Variants in RIPK1 observed in about 807,000 individuals in gnomAD.
RIPK1 encodes receptor-interacting serine/threonine-protein kinase 1.
RIPK1 carries 27 observed loss-of-function variants against 62.4 expected under a neutral mutation model. The observed-to-expected ratio is 0.43, with a 90% CI of 0.32 to 0.60. The LOEUF (loss-of-function observed/expected upper bound fraction) is 0.60, where lower values mean the gene tolerates loss of function less well. Ranked by LOEUF, RIPK1 falls within the 20% of genes least tolerant of loss-of-function variation. The pLI is 0.07. For synonymous variants in RIPK1, 287 were observed against 303.2 expected, an observed-to-expected ratio of 0.95 and a Z score of 0.55; for missense variants, 735 against 831.0, an observed-to-expected ratio of 0.88 and a Z score of 1.42.
At chr6:3,088,426 G>A (rs542213118) in intron 6 of RIPK1, among the ~76,000 whole-genome samples, 2 of 152,350 alleles carry the variant, frequency 1.3e-5, no homozygotes, top group South Asian at 2.1e-4. Context: ...CAGTGGGGAA[G>A]GGAAGGGTGG....
chr6:3,067,216 G>C (rs1758420517), upstream of RIPK1, among the ~76,000 whole-genome samples: 1 of 151,932 alleles, frequency 6.6e-6, no homozygotes, highest in Non-Finnish European at 1.5e-5. Flanking sequence ...AGACATTCTT[G>C]TACAGGTGTT....
rs1191085732 is a variant in RIPK1, at chr6:3,083,099, C to T, written c.474C>T (p.Gly158=). ...NDFHIKIADL[G]LASFKMWSKL... ...GTCTTTCGCAGATCGCAGACCTCGG[C>T]CTTGCCTCCTTTAAGATGTGGAGCA... The change falls in exon 5 of 11, where the codon GGC becomes GGT. Residue 158 remains glycine (G), a synonymous_variant. Coordinates refer to ENST00000259808, the MANE Select transcript of RIPK1 (RefSeq NM_001354930.2). 6.2e-7 allele frequency: 1 copy of T among 1,613,996 alleles called. No individual in the cohort carries two copies. The highest frequency in any genetic ancestry group is 1.3e-5 in the African/African-American group (1 of 75,054).
intron 7 of RIPK1, among the ~76,000 whole-genome samples, chr6:3,098,927 C>G (rs893097616): frequency 6.6e-6 from 1 of 152,180 alleles, no homozygotes; most frequent in Non-Finnish European, 1.5e-5. Flanking sequence ...GGCTTTATCC[C>G]CTCGCCTTTC....
chr6:3,103,143 A>G (rs908347032), intron 7 of RIPK1, among the ~76,000 whole-genome samples: 10 of 151,446 alleles, frequency 6.6e-5, no homozygotes, highest in African/African-American at 2.2e-4. Context: ...TATATCTTCT[A>G]TGGAGAAACT....
At chr6:3,064,962 G>C (rs539285242), upstream of RIPK1, among the ~76,000 whole-genome samples, 1 of 152,158 alleles carries the variant, frequency 6.6e-6, no homozygotes, top group Non-Finnish European at 1.5e-5. Context: ...CCGCTTTCTG[G>C]TCGGGTGCGG....
chr6:3,081,731 A>G (rs1759391741), intron 4 of RIPK1, among the ~76,000 whole-genome samples: 1 of 151,906 alleles, frequency 6.6e-6, no homozygotes, highest in South Asian at 2.1e-4. Context: ...GTGGTGGTGC[A>G]TGCCTGTAAT....
intron 10 of RIPK1, among the ~76,000 whole-genome samples, chr6:3,112,135 C>T (rs1053940717): frequency 2.6e-5 from 4 of 151,748 alleles, no homozygotes; most frequent in Non-Finnish European, 5.9e-5. Context: ...CAATGTCGGT[C>T]GGCAGTGGGG....
Position 3,077,853 on chromosome 6 carries a change from G to A in RIPK1, c.239G>A (p.Gly80Asp). 6.2e-7 allele frequency: 1 copy of A among 1,614,232 alleles called. No individual in the cohort carries two copies. Among genetic ancestry groups the A allele is most frequent in the Non-Finnish European group, 8.5e-7 (1 of 1,180,030 alleles). ...CACAGCCGGGTGGTGAAGCTCCTGG[G>A]CGTCATCATAGAGGAAGGGAAGTAC... is the stretch of plus-strand genomic sequence containing the variant. ...LRHSRVVKLLGVIIEEGKYSL... is the reference protein window; with the variant it reads ...LRHSRVVKLLDVIIEEGKYSL... Residue 80 changes from glycine (G) to aspartate (D), a missense_variant, in exon 3 of 11, where the codon GGC (glycine) becomes GAC (aspartate). By Grantham distance (94) the Gly-to-Asp change is moderately conservative (BLOSUM62 -1). Transcript: ENST00000259808.
chr6:3,074,830 T>C (rs1758965272), intron 1 of RIPK1, among the ~76,000 whole-genome samples: 1 of 152,138 alleles, frequency 6.6e-6, no homozygotes, highest in Admixed American at 6.6e-5. Context: ...TAGAGGCGCG[T>C]GCCACCACGC....
chr6:3,074,076 C>G (rs73718960), intron 1 of RIPK1, among the ~76,000 whole-genome samples: 3,545 of 152,234 alleles, frequency 0.023, 141 homozygotes, highest in African/African-American at 0.08. Context: ...TAAAATTTAC[C>G]TGCTGTTGTT....
intron 7 of RIPK1, among the ~76,000 whole-genome samples, chr6:3,090,725 C>T (rs1364700146): frequency 4.6e-5 from 7 of 152,034 alleles, no homozygotes; most frequent in South Asian, 4.1e-4. Context: ...CTTGACGTAA[C>T]GGAAACACAG....
chr6:3,087,803 T>C (rs139660606), intron 6 of RIPK1, among the ~76,000 whole-genome samples: 1 of 38,960 alleles, frequency 2.6e-5, no homozygotes, highest in Admixed American at 3.4e-4. Context: ...CCTCCCAAAG[T>C]GTGGGATTAC....
Position 3,081,047 on chromosome 6 carries a change from T to G in RIPK1, c.390T>G (p.His130Gln). ...LEIIEGMCYL[H>Q]GKGVIHKDLK... is the part of the protein sequence containing the mutation. ...TCATTGAAGGAATGTGCTACTTACA[T>G]GGAAAAGGCGTGATACACAAGGACC... Residue 130 changes from histidine (H) to glutamine (Q), a missense_variant, in exon 4 of 11, where the codon CAT becomes CAG. By Grantham distance (24) the His-to-Gln change is conservative. Around this residue, in one of 2 missense-constraint regions of RIPK1, gnomAD observed 671 missense variants for 726.2 expected, o/e 0.92. Coordinates refer to ENST00000259808, the MANE Select transcript of RIPK1 (RefSeq NM_001354930.2). The G allele has an allele frequency of 6.2e-7, 1 of 1,614,160 alleles. No homozygotes were observed. Among genetic ancestry groups the G allele is most frequent in the Non-Finnish European group, 8.5e-7 (1 of 1,179,982 alleles).
At chr6:3,073,317 C>A (rs912191099) in intron 1 of RIPK1, among the ~76,000 whole-genome samples, 1 of 150,768 alleles carries the variant, frequency 6.6e-6, no homozygotes, top group South Asian at 2.1e-4. Context: ...TGAACGTATA[C>A]TTTTTTTTTC....
At position 3,076,901 on chromosome 6, in the gene RIPK1, A is replaced by G; in HGVS notation, c.78A>G (p.Gly26=). Residue 26 remains glycine (G), a synonymous_variant, in exon 2 of 11, where the codon GGA becomes GGG. Coordinates refer to ENST00000259808, the MANE Select transcript of RIPK1 (RefSeq NM_001354930.2). Reference sequence around the variant, plus strand: ...TGGAGAGTGCAGAACTGGACAGCGGAGGCTTTGGGAAGGTGTCTCTGTGTT... The same window carrying G: ...TGGAGAGTGCAGAACTGGACAGCGGGGGCTTTGGGAAGGTGTCTCTGTGTT... The part of the protein sequence containing the change: ...DFLESAELDS[G]GFGKVSLCFH... The G allele has an allele frequency of 6.2e-7, 1 of 1,610,410 alleles. No individual in the cohort carries two copies. The highest frequency in any genetic ancestry group is 8.5e-7 in the Non-Finnish European group (1 of 1,177,572).
intron 2 of RIPK1, 42 bp downstream of exon 2, chr6:3,077,029 GA>G (rs1759102303): frequency 6.5e-7 from 1 of 1,529,134 alleles, no homozygotes; most frequent in Admixed American, 1.9e-5. Context: ...TTCTGAGCGG[GA>G]TGGGGACGTT....
intron 7 of RIPK1, 152 bp downstream of exon 7, chr6:3,089,809 A>G (rs1581408688): frequency 3.5e-6 from 2 of 572,604 alleles, no homozygotes; most frequent in African/African-American, 3.8e-5. Context: ...TGCACATATC[A>G]TCCTGTTGGC....
At position 3,076,765 on chromosome 6, in the gene RIPK1, G is replaced by T. The variant is rs960406483; in HGVS notation, c.-59G>T. The T allele has an allele frequency of 7.0e-6, 11 of 1,579,774 alleles. No homozygotes were observed. In the Admixed American group the frequency reaches 1.4e-4, roughly 20 times the overall value. On this transcript the variant is annotated splice_region_variant and 5_prime_UTR_variant, in exon 2 of 11. Coordinates refer to ENST00000259808, the MANE Select transcript of RIPK1 (RefSeq NM_001354930.2). ...GTTTTCTCTCTGTTTTCTTTACAGG[G>T]TACAGCTCTGCCGGGGGGGGAAAAA...
At chr6:3,082,032 C>A (rs115718085) in intron 4 of RIPK1, among the ~76,000 whole-genome samples, 97 of 152,040 alleles carry the variant, frequency 6.4e-4, no homozygotes, top group African/African-American at 2.3e-3. Flanking sequence ...GTAAAGGGAA[C>A]AAGGGAAAGG....
Sources: gnomAD v4.1 joint callset for allele counts (sites outside exome capture counted in the v4.1 genomes callset) on GRCh38, gnomAD v4.1.1 for gene constraint, gnomAD v4.1.1 regional missense constraint, MANE v1.5 for transcripts, NCBI Gene and HGNC (gene_info 2026-07-23, HGNC 2026-07-21) for gene names.